Variants in PELP1 observed in about 807,000 individuals in gnomAD.
PELP1 encodes proline, glutamate and leucine rich protein 1.
Under a neutral mutation model 95.5 loss-of-function variants are expected in PELP1, and 32 were observed. That is an observed-to-expected ratio of 0.34 (90% CI 0.25 to 0.45). PELP1 has a LOEUF of 0.45. Ranked by LOEUF, PELP1 falls within the 20% of genes least tolerant of loss-of-function variation. The pLI, the probability that PELP1 is intolerant of heterozygous loss-of-function variation, is 1.00. For synonymous variants in PELP1, 668 were observed against 600.1 expected (o/e 1.11, Z -1.65); for missense variants, 1,358 against 1,444.8 (o/e 0.94, Z 0.97).
intron 1 of PELP1, among the ~76,000 whole-genome samples, chr17:4,700,343 T>C (rs1913474380): frequency 6.6e-6 from 1 of 151,954 alleles, no homozygotes; most frequent in African/African-American, 2.4e-5. Flanking sequence ...AGGAGTACAC[T>C]CTAAAATACG....
At chr17:4,683,278 T>G (rs938813862) in intron 3 of PELP1, among the ~76,000 whole-genome samples, 3 of 150,306 alleles carry the variant, frequency 2.0e-5, no homozygotes, top group Admixed American at 6.7e-5. Flanking sequence ...TGGAGTGCAG[T>G]GGCGCGATCT....
At chr17:4,700,101 G>A (rs1183350038) in intron 1 of PELP1, among the ~76,000 whole-genome samples, 3 of 151,096 alleles carry the variant, frequency 2.0e-5, no homozygotes, top group Non-Finnish European at 2.9e-5. Context: ...TACAGACGGG[G>A]TCACCATCTT....
intron 1 of PELP1, among the ~76,000 whole-genome samples, chr17:4,699,783 C>T (rs1168815965): frequency 2.6e-5 from 4 of 151,924 alleles, no homozygotes; most frequent in East Asian, 3.9e-4. Flanking sequence ...GATGAGGTTT[C>T]GCCATGTTGG....
chr17:4,674,174 C>T (rs1038676545), intron 13 of PELP1, among the ~76,000 whole-genome samples: 7 of 152,236 alleles, frequency 4.6e-5, no homozygotes, highest in Admixed American at 4.6e-4. Context: ...GTGCTGAACG[C>T]CGGAGGAAGC....
rs776226691 is a variant in PELP1 at position 4,673,163 on chromosome 17, G to A, written c.1846-18C>T. ...GAGGAGACCTGAGGAAAGAAGAAAG[G>A]GCAAGTGTGAGCACCAGAAATACTG... On this transcript the variant is annotated intron_variant, in intron 15 of 16. Coordinates refer to ENST00000572293, the MANE Select transcript of PELP1 (RefSeq NM_014389.3). This position sits in a 1 kb window ranked among gnomAD's most constrained non-coding sequence, Gnocchi z 5.7. The A allele has an allele frequency of 2.0e-6, 3 of 1,513,242 alleles. No homozygotes were observed. The highest frequency in any genetic ancestry group is 2.7e-6 in the Non-Finnish European group (3 of 1,129,554). 93.7% of individuals were successfully genotyped at this position (1,513,242 alleles called of 1,614,324 possible). A position where few individuals can be genotyped will look rare whatever the true frequency, so the allele number is the denominator to read the frequency against.
chr17:4,672,711 C>T lies in PELP1; in HGVS notation c.2280G>A (p.Val760=), dbSNP rs747347857. 3 of 1,613,180 alleles carry T rather than the reference C, an allele frequency of 1.9e-6. No individual in the cohort carries two copies. The highest frequency in any genetic ancestry group is 1.1e-5 in the South Asian group (1 of 90,916). Residue 760 remains valine (V), a synonymous_variant, in exon 16 of 17, where the codon GTG becomes GTA. Transcript: ENST00000572293. ...IPPDETFGGR[V]PRPAFVHYDK... ...CATAGTGGACAAAGGCTGGTCTGGGCACTCTCCCCCCAAAAGTTTCATCTG... is the reference window on the plus strand; with the variant it reads ...CATAGTGGACAAAGGCTGGTCTGGGTACTCTCCCCCCAAAAGTTTCATCTG...
Position 4,691,407 on chromosome 17 carries a change from A to G in PELP1, c.285T>C (p.Ser95=), listed in dbSNP as rs1318491159. 4 of 1,613,794 alleles carry G rather than the reference A, an allele frequency of 2.5e-6. No homozygotes were observed. ...TTTTGATGGAACTGAGACGTGCATT[A>G]CTGAGACTCACCAATGCCCCAAGAG... ...LSALGALVSL[S]NARLSSIKTR... Residue 95 remains serine (S), a synonymous_variant, in exon 2 of 17, where the codon AGT becomes AGC. Transcript: ENST00000572293.
intron 3 of PELP1, among the ~76,000 whole-genome samples, chr17:4,684,384 C>G (rs1450513986): frequency 1.3e-5 from 2 of 152,136 alleles, no homozygotes; most frequent in African/African-American, 4.8e-5. Flanking sequence ...AACTGAAGCC[C>G]AGAGATAATT....
intron 4 of PELP1, 88 bp from the exon 5 acceptor site, chr17:4,682,661 T>C: frequency 6.9e-7 from 1 of 1,439,478 alleles, no homozygotes; most frequent in Non-Finnish European, 9.7e-7. Context: ...AGGGCCCTTC[T>C]CCAGAAATCA....
chr17:4,692,804 G>C (rs1913159133), intron 1 of PELP1, among the ~76,000 whole-genome samples: 1 of 152,080 alleles, frequency 6.6e-6, no homozygotes, highest in Non-Finnish European at 1.5e-5. Context: ...GAGGTCAGGA[G>C]TTCGAGACCA....
rs1425178838 is a variant in PELP1, at chr17:4,675,694, G to A, written c.1068+103C>T. 1.1e-5 allele frequency: 9 copies of A among 827,796 alleles called. No homozygotes were observed. The highest frequency in any genetic ancestry group is 2.7e-5 in the East Asian group (1 of 37,696). The allele number at this position is 827,796 out of a possible 1,614,324, so 51.3% of individuals were successfully genotyped here. A position where few individuals can be genotyped will look rare whatever the true frequency, so the allele number is the denominator to read the frequency against. On this transcript the variant is annotated intron_variant, in intron 9 of 16. Coordinates refer to ENST00000572293, the MANE Select transcript of PELP1 (RefSeq NM_014389.3). The surrounding 1 kb of genome is among the most constrained non-coding windows in gnomAD (Gnocchi z 4.3). ...ACAAAAGTAGGAAGCTCTCTGGGAC[G>A]ACTCCAGGATGACACTGTTTGGGGA...
rs1912387705 is a variant in PELP1, at chr17:4,674,796, G to A, written c.1422+13C>T. 6.2e-7 allele frequency: 1 copy of A among 1,605,558 alleles called. No individual in the cohort carries two copies. Among genetic ancestry groups the A allele is most frequent in the African/African-American group, 1.3e-5 (1 of 74,874 alleles). On this transcript the variant is annotated intron_variant, in intron 12 of 16. Transcript: ENST00000572293. ...ACAGGATGAGTCCTAAGGCGGAGCTGAGGCCTCCTCACCTTAAGGGCATCA... is the reference window on the plus strand; with the variant it reads ...ACAGGATGAGTCCTAAGGCGGAGCTAAGGCCTCCTCACCTTAAGGGCATCA...
intron 11 of PELP1, 29 bp from the exon 12 acceptor site, chr17:4,674,985 G>C: frequency 6.2e-7 from 1 of 1,605,448 alleles, no homozygotes; most frequent in Middle Eastern, 1.7e-4. Flanking sequence ...TGGCAGTTAT[G>C]AATGGGGGGT....
At chr17:4,674,392 C>A in intron 13 of PELP1, 118 bp downstream of exon 13, 2 of 906,044 alleles carry the variant, frequency 2.2e-6, no homozygotes, top group South Asian at 3.1e-5. Context: ...GAAGGCTGGT[C>A]TAGGCACTCT....
At chr17:4,681,946 T>C (rs527848067) in intron 5 of PELP1, among the ~76,000 whole-genome samples, 22 of 152,090 alleles carry the variant, frequency 1.4e-4, no homozygotes, top group African/African-American at 4.8e-4. Context: ...GGAGGATCAC[T>C]TGAGGTCAGG....
chr17:4,689,770 GT>G (rs1276879451), intron 3 of PELP1, among the ~76,000 whole-genome samples: 1 of 152,228 alleles, frequency 6.6e-6, no homozygotes, highest in African/African-American at 2.4e-5. Flanking sequence ...GCTCATGCCT[GT>G]AATCCCAGCA....
intron 7 of PELP1, 22 bp downstream of exon 7, chr17:4,676,335 A>G: frequency 6.2e-7 from 1 of 1,609,610 alleles, no homozygotes; most frequent in Non-Finnish European, 8.5e-7. Flanking sequence ...TTGTTCCACT[A>G]ACTAGCAGCC....
intron 3 of PELP1, among the ~76,000 whole-genome samples, chr17:4,686,159 C>T (rs1912903703): frequency 6.6e-6 from 1 of 152,132 alleles, no homozygotes; most frequent in Non-Finnish European, 1.5e-5. Context: ...GATGCCCGGC[C>T]ACTTCCACTG....
intron 16 of PELP1, 34 bp from the exon 17 acceptor site, chr17:4,671,565 TCA>T: frequency 6.2e-7 from 1 of 1,612,308 alleles, no homozygotes; most frequent in Non-Finnish European, 8.5e-7. Flanking sequence ...TTCAGAATAG[TCA>T]CACACACATA....
Sources: allele counts gnomAD v4.1 joint callset (sites outside exome capture counted in the v4.1 genomes callset), GRCh38; gene constraint gnomAD v4.1.1; non-coding constraint Gnocchi (gnomAD v3.1); transcripts MANE v1.5; gene names NCBI Gene and HGNC (gene_info 2026-07-23, HGNC 2026-07-21).